STAT5A: variants seen among roughly 807,000 people sequenced by gnomAD.
STAT5A encodes signal transducer and activator of transcription 5A, also known as epididymis secretory sperm binding protein.
In STAT5A, 26 loss-of-function variants were observed where a neutral mutation model predicts 100.2. The ratio of observed to expected loss-of-function variants is 0.26; its 90% CI spans 0.19 to 0.36. The LOEUF is 0.36. Ranked by LOEUF, STAT5A falls within the 10% of genes least tolerant of loss-of-function variation. STAT5A has a pLI of 1.00. For missense variants in STAT5A, 634 were observed against 1,027.5 expected, an observed-to-expected ratio of 0.62 and a Z score of 5.24; for synonymous variants, 330 against 424.3, an observed-to-expected ratio of 0.78 and a Z score of 2.73.
chr17:42,306,498 C>T, intron 13 of STAT5A, 51 bp downstream of exon 13: 1 of 1,566,810 alleles, frequency 6.4e-7, no homozygotes, highest in Middle Eastern at 1.7e-4. Flanking sequence ...GGGTCTGTTG[C>T]TCCTCCACCT....
chr17:42,305,575 C>T lies in STAT5A; in HGVS notation c.1381-35C>T, dbSNP rs771573704. The T allele has an allele frequency of 1.5e-5, 24 of 1,588,162 alleles. No individual in the cohort carries two copies. The South Asian group carries it at 1.5e-4, about 10-fold the overall frequency. ...CTAAGCAGAGGGCACGTGGTGGTCA[C>T]GCCCCATCAACTTGGGTTCCTTTGA... is the stretch of plus-strand genomic sequence containing the variant. On this transcript the variant is annotated intron_variant, in intron 11 of 18. Coordinates refer to ENST00000590949, the MANE Select transcript of STAT5A (RefSeq NM_001288718.2).
chr17:42,310,371 G>A, intron 18 of STAT5A, 136 bp from the exon 19 acceptor site: 1 of 883,826 alleles, frequency 1.1e-6, no homozygotes, highest in East Asian at 2.6e-5. Context: ...CTTGGGGTGG[G>A]GTGGGGGCAT....
intron 11 of STAT5A, among the ~76,000 whole-genome samples, 172 bp from the exon 12 acceptor site, chr17:42,305,438 G>A (rs1053642157): frequency 6.6e-6 from 1 of 151,974 alleles, no homozygotes; most frequent in Non-Finnish European, 1.5e-5. Context: ...GGAGGCAGAG[G>A]TTGTGGTGAG....
Position 42,304,716 on chromosome 17 carries a change from T to A in STAT5A, c.1380+64T>A. On this transcript the variant is annotated intron_variant, in intron 11 of 18. Transcript: ENST00000590949. This position sits in a 1 kb window ranked among gnomAD's most constrained non-coding sequence, Gnocchi z 4.8. Reference sequence around the variant, plus strand: ...CACCCAAGAGGTGGAGGGGCCTGCCTCAGGACTCCTGGCAGCAATGCCATC... The same window carrying A: ...CACCCAAGAGGTGGAGGGGCCTGCCACAGGACTCCTGGCAGCAATGCCATC... 1 of 1,599,306 alleles carries A rather than the reference T, an allele frequency of 6.3e-7. No homozygotes were observed. The highest frequency in any genetic ancestry group is 1.3e-5 in the African/African-American group (1 of 74,826).
In STAT5A at chr17:42,304,148, T is replaced by G. The variant is rs1191389953; in HGVS notation, c.1170-194T>G. ...ATCCAGACCTCACCACTGGAGACCTTGCCTTGGGTGCTGGGCACCAGGTTG... is the reference window on the plus strand; with the variant it reads ...ATCCAGACCTCACCACTGGAGACCTGGCCTTGGGTGCTGGGCACCAGGTTG... On this transcript the variant is annotated intron_variant, in intron 9 of 18. Coordinates refer to ENST00000590949, the MANE Select transcript of STAT5A (RefSeq NM_001288718.2). The surrounding 1 kb of genome is among the most constrained non-coding windows in gnomAD (Gnocchi z 4.8). 5.0e-6 allele frequency: 3 copies of G among 595,996 alleles called. No individual in the cohort carries two copies. The highest frequency in any genetic ancestry group is 5.5e-5 in the East Asian group (2 of 36,072). 36.9% of individuals were successfully genotyped at this position (595,996 alleles called of 1,614,324 possible).
intron 13 of STAT5A, among the ~76,000 whole-genome samples, chr17:42,306,984 T>C (rs1198249560): frequency 2.0e-5 from 3 of 152,082 alleles, no homozygotes; most frequent in Admixed American, 6.6e-5. Flanking sequence ...CCTCCCAAAG[T>C]GCTGGGATTA....
intron 13 of STAT5A, among the ~76,000 whole-genome samples, 175 bp downstream of exon 13, chr17:42,306,622 A>G (rs912583375): frequency 1.3e-5 from 2 of 152,122 alleles, no homozygotes; most frequent in African/African-American, 2.4e-5. Flanking sequence ...CAGGGGCTAT[A>G]GGAGTTGTGC....
At chr17:42,309,293 G>C in intron 17 of STAT5A, 84 bp from the exon 18 acceptor site, 1 of 1,557,752 alleles carries the variant, frequency 6.4e-7, no homozygotes, top group Non-Finnish European at 8.8e-7. Context: ...CCCCGAGAAA[G>C]ACAAACATGC....
intron 3 of STAT5A, among the ~76,000 whole-genome samples, chr17:42,291,165 T>G (rs2080864876): frequency 6.6e-6 from 1 of 152,222 alleles, no homozygotes; most frequent in Non-Finnish European, 1.5e-5. Context: ...CCTAGATCCC[T>G]CGCATGTGCA....
At chr17:42,309,569 G>C (rs2081061115) in intron 18 of STAT5A, 85 bp downstream of exon 18, 2 of 1,413,694 alleles carry the variant, frequency 1.4e-6, no homozygotes, top group South Asian at 2.6e-5. Flanking sequence ...GCGGGCAAAG[G>C]ATCCAGAGCT....
rs750047248 is a variant in STAT5A, at chr17:42,307,447, G to A, written c.1726G>A (p.Gly576Arg). Residue 576 changes from glycine to arginine, a missense_variant, in exon 14 of 19, where the codon GGG (glycine) becomes AGG (arginine). Gly to Arg is a moderately radical substitution (Grantham distance 125). Transcript: ENST00000590949. ...WNYTFWQWFD[G>R]VMEVLKKHHK... ...CTACACCTTCTGGCAGTGGTTTGAC[G>A]GGGTGATGGAGGTGTTGAAGAAGCA... 5.6e-6 allele frequency: 9 copies of A among 1,613,950 alleles called. No individual in the cohort carries two copies. The highest frequency in any genetic ancestry group is 5.0e-5 in the Admixed American group (3 of 59,980).
rs751791627 is a variant in STAT5A, at chr17:42,311,753, A to G, written c.*1084A>G. ...GTGTTCTGGTGAGGCCTTGCTCCCA[A>G]CCCCACACGCTCCTCCCTCTGAGGC... On this transcript the variant is annotated 3_prime_UTR_variant, in exon 19 of 19. Transcript: ENST00000590949. 3.3e-5 allele frequency: 5 copies of G among 152,566 alleles called. No individual in the cohort carries two copies. The highest frequency in any genetic ancestry group is 5.9e-5 in the Non-Finnish European group (4 of 68,048). 9.5% of individuals were successfully genotyped at this position (152,566 alleles called of 1,614,324 possible).
At chr17:42,305,109 A>G (rs1194303738) in intron 11 of STAT5A, among the ~76,000 whole-genome samples, 1 of 152,208 alleles carries the variant, frequency 6.6e-6, no homozygotes, top group Non-Finnish European at 1.5e-5. Flanking sequence ...CTGAGGCAGG[A>G]GGATCACTTG....
At chr17:42,300,087 T>C in intron 6 of STAT5A, 43 bp from the exon 7 acceptor site, 3 of 1,237,276 alleles carry the variant, frequency 2.4e-6, no homozygotes, top group Non-Finnish European at 3.3e-6. Context: ...CCTGCGGTGT[T>C]CTCTGGGAGC....
Position 42,304,362 on chromosome 17 carries a change from T to C in STAT5A, c.1190T>C (p.Leu397Pro). ...TGCAGCGAGTGCAGTGGTGAGATCC[T>C]GAACAACTGCTGCGTGATGGAGTAC... ...NTRNECSGEILNNCCVMEYHQ... is the reference protein window; with the variant it reads ...NTRNECSGEIPNNCCVMEYHQ... The change falls in exon 10 of 19, where the codon CTG becomes CCG. Residue 397 changes from leucine (L) to proline (P), a missense_variant. Around this residue, in one of 5 missense-constraint regions of STAT5A, gnomAD observed 210 missense variants for 428.4 expected, o/e 0.49. Transcript: ENST00000590949. The surrounding 1 kb of genome is among the most constrained non-coding windows in gnomAD (Gnocchi z 4.8). The C allele has an allele frequency of 6.2e-7, 1 of 1,614,204 alleles. No individual in the cohort carries two copies. The highest frequency in any genetic ancestry group is 8.5e-7 in the Non-Finnish European group (1 of 1,180,034).
intron 17 of STAT5A, 87 bp from the exon 18 acceptor site, chr17:42,309,290 A>T: frequency 1.3e-6 from 2 of 1,550,944 alleles, no homozygotes; most frequent in Non-Finnish European, 1.8e-6. Flanking sequence ...ACACCCCGAG[A>T]AAGACAAACA....
chr17:42,307,367 C>T lies in STAT5A; in HGVS notation c.1681-35C>T, dbSNP rs138586625. The T allele has an allele frequency of 4.3e-4, 687 of 1,604,118 alleles. 5 individuals carry two copies. The African/African-American group carries it at 8.0e-3, about 19-fold the overall frequency. ...TTCCTGGGCCACCTGTGACCTGGGGCACCAGCCCTGACTCGGGGGTTCCTG... is the reference window on the plus strand; with the variant it reads ...TTCCTGGGCCACCTGTGACCTGGGGTACCAGCCCTGACTCGGGGGTTCCTG... On this transcript the variant is annotated intron_variant, in intron 13 of 18. Transcript: ENST00000590949.
At chr17:42,299,716 A>T in intron 5 of STAT5A, 35 bp from the exon 6 acceptor site, 1 of 1,614,020 alleles carries the variant, frequency 6.2e-7, no homozygotes. Flanking sequence ...GGACACTAGG[A>T]GGTGATGGTC....
chr17:42,306,948 G>A (rs1203258397), intron 13 of STAT5A, among the ~76,000 whole-genome samples: 1 of 152,074 alleles, frequency 6.6e-6, no homozygotes, highest in Non-Finnish European at 1.5e-5. Context: ...TCGAACTCCT[G>A]ACCTCAGGTG....
Sources: allele counts gnomAD v4.1 joint callset (sites outside exome capture counted in the v4.1 genomes callset), GRCh38; gene constraint gnomAD v4.1.1; regional missense constraint gnomAD v4.1.1; non-coding constraint Gnocchi (gnomAD v3.1); transcripts MANE v1.5; gene names NCBI Gene and HGNC (gene_info 2026-07-23, HGNC 2026-07-21).